Variants in GOLT1A observed in about 807,000 individuals in gnomAD.
GOLT1A encodes the protein vesicle transport protein GOT1A.
GOLT1A carries 10 observed loss-of-function variants against 16.1 expected under a neutral mutation model. The observed-to-expected ratio is 0.62, with a 90% CI of 0.38 to 1.05. The LOEUF (loss-of-function observed/expected upper bound fraction) is 1.05. Among genes scored for constraint, GOLT1A ranks in the 50% least tolerant of loss-of-function variants. The probability of loss-of-function intolerance (pLI) is 0.01; values close to 1 mark genes in which losing one functional copy is unlikely to be tolerated. For synonymous variants in GOLT1A, 60 were observed against 67.9 expected (o/e 0.88, Z 0.57); for missense variants, 137 against 165.7 (o/e 0.83, Z 0.95).
At chr1:204,213,193 T>C (rs987182604) in intron 1 of GOLT1A, among the ~76,000 whole-genome samples, 5 of 152,192 alleles carry the variant, frequency 3.3e-5, no homozygotes, top group African/African-American at 1.2e-4. Flanking sequence ...CTCCCCTCTC[T>C]AGAATGTAAG....
intron 3 of GOLT1A, among the ~76,000 whole-genome samples, chr1:204,200,322 T>TATATATATATATATATATATCTA (rs1376686184): frequency 9.0e-6 from 1 of 111,012 alleles, no homozygotes; most frequent in Non-Finnish European, 1.7e-5. Flanking sequence ...TATATATATG[T>TATATATATATATATATATATCTA]TTTTGTTTTT....
chr1:204,204,427 C>T (rs946713119), intron 1 of GOLT1A, among the ~76,000 whole-genome samples: 3 of 152,170 alleles, frequency 2.0e-5, no homozygotes, highest in African/African-American at 7.2e-5. Context: ...TCTTATTTCA[C>T]TTATCATAAC....
intron 3 of GOLT1A, among the ~76,000 whole-genome samples, chr1:204,200,322 T>TATATA (rs1376686184): frequency 9.0e-6 from 1 of 111,012 alleles, no homozygotes; most frequent in African/African-American, 4.8e-5. Flanking sequence ...TATATATATG[T>TATATA]TTTTGTTTTT....
intron 1 of GOLT1A, among the ~76,000 whole-genome samples, chr1:204,210,618 G>T (rs965671251): frequency 6.6e-6 from 1 of 152,062 alleles, no homozygotes; most frequent in East Asian, 1.9e-4. Flanking sequence ...AAATTTTTTT[G>T]TTGTTGAGAC....
At chr1:204,200,862 CT>C (rs1658945834) in intron 3 of GOLT1A, among the ~76,000 whole-genome samples, 1 of 152,184 alleles carries the variant, frequency 6.6e-6, no homozygotes, top group Non-Finnish European at 1.5e-5. Flanking sequence ...AATCCCACCC[CT>C]ATTCTCTCCA....
At chr1:204,206,209 C>T (rs955680122) in intron 1 of GOLT1A, among the ~76,000 whole-genome samples, 1 of 152,168 alleles carries the variant, frequency 6.6e-6, no homozygotes, top group Non-Finnish European at 1.5e-5. Flanking sequence ...TTTGTTGGGA[C>T]CCAGTGTAAC....
chr1:204,201,941 A>T lies in GOLT1A; in HGVS notation c.118-130T>A, dbSNP rs560643695. ...GTTCAAGACCATCTGAGCGAGGGCC[A>T]TCCAGCAGTGTGGCAGAATCCCAGA... On this transcript the variant is annotated intron_variant, in intron 2 of 4. Coordinates refer to ENST00000308302, the MANE Select transcript of GOLT1A (RefSeq NM_198447.2). 1.6e-4 allele frequency: 123 copies of T among 767,088 alleles called. 1 individual carries two copies. Among genetic ancestry groups the T allele is most frequent in the Non-Finnish European group, 2.1e-4 (103 of 479,238 alleles). 47.5% of individuals were successfully genotyped at this position (767,088 alleles called of 1,614,324 possible). A position where few individuals can be genotyped will look rare whatever the true frequency, so the allele number is the denominator to read the frequency against.
At chr1:204,205,181 C>CT (rs1057283070) in intron 1 of GOLT1A, among the ~76,000 whole-genome samples, 3 of 151,992 alleles carry the variant, frequency 2.0e-5, no homozygotes, top group African/African-American at 4.8e-5. Context: ...TGATTGATGT[C>CT]TTTTTTTTCT....
intron 1 of GOLT1A, among the ~76,000 whole-genome samples, chr1:204,208,685 T>C (rs1008491324): frequency 1.3e-5 from 2 of 151,472 alleles, no homozygotes; most frequent in African/African-American, 4.9e-5. Flanking sequence ...AATGATACAA[T>C]AGACTTTGGG....
At chr1:204,209,215 C>T (rs1659102676) in intron 1 of GOLT1A, among the ~76,000 whole-genome samples, 1 of 152,212 alleles carries the variant, frequency 6.6e-6, no homozygotes, top group Non-Finnish European at 1.5e-5. Context: ...AGATGTGATG[C>T]TGTATTTTTC....
At chr1:204,207,233 C>T (rs994538871) in intron 1 of GOLT1A, among the ~76,000 whole-genome samples, 2 of 152,188 alleles carry the variant, frequency 1.3e-5, no homozygotes, top group Non-Finnish European at 1.5e-5. Context: ...GCACGGTCCC[C>T]GTGATCCAGA....
chr1:204,203,083 G>T, intron 1 of GOLT1A, 96 bp from the exon 2 acceptor site: 2 of 836,450 alleles, frequency 2.4e-6, no homozygotes, highest in Non-Finnish European at 2.0e-6. Flanking sequence ...TGCCCTCTAT[G>T]GGGGTGACTC....
At chr1:204,204,011 G>A (rs959958951) in intron 1 of GOLT1A, among the ~76,000 whole-genome samples, 1 of 152,074 alleles carries the variant, frequency 6.6e-6, no homozygotes, top group Admixed American at 6.6e-5. Flanking sequence ...CCCTCAAGAC[G>A]ATTTGTACAA....
chr1:204,208,472 G>GTATATATATATA (rs1317319058), intron 1 of GOLT1A, among the ~76,000 whole-genome samples: 1 of 28,852 alleles, frequency 3.5e-5, no homozygotes, highest in African/African-American at 9.4e-5. Context: ...GTGTGTGTGT[G>GTATATATATATA]TGTGTATATA....
intron 3 of GOLT1A, among the ~76,000 whole-genome samples, chr1:204,201,410 G>T (rs926178273): frequency 3.9e-5 from 6 of 152,156 alleles, no homozygotes; most frequent in African/African-American, 1.4e-4. Context: ...AGTGCTGGGG[G>T]CACAGTGCTG....
chr1:204,203,912 C>A (rs1370768078), intron 1 of GOLT1A, among the ~76,000 whole-genome samples: 3 of 152,160 alleles, frequency 2.0e-5, no homozygotes, highest in Non-Finnish European at 4.4e-5. Flanking sequence ...AGCCAGCAAG[C>A]GTAGCCTAGA....
chr1:204,213,272 A>G (rs1344850977), intron 1 of GOLT1A, among the ~76,000 whole-genome samples: 1 of 152,208 alleles, frequency 6.6e-6, no homozygotes, highest in Non-Finnish European at 1.5e-5. Context: ...CAGCAGAGAC[A>G]AATCTGTTGA....
intron 1 of GOLT1A, among the ~76,000 whole-genome samples, chr1:204,212,230 A>C (rs908938804): frequency 1.3e-5 from 2 of 152,094 alleles, no homozygotes; most frequent in Non-Finnish European, 1.5e-5. Context: ...CTCACACCCT[A>C]TGTCCAAACC....
At chr1:204,199,146 C>G (rs1658910872) in intron 4 of GOLT1A, 49 bp downstream of exon 4, 1 of 1,496,656 alleles carries the variant, frequency 6.7e-7, no homozygotes, top group South Asian at 1.2e-5. Context: ...GTGTGCTCCC[C>G]CTCACTCCCC....
Sources: gnomAD v4.1 joint callset for allele counts (sites outside exome capture counted in the v4.1 genomes callset) on GRCh38, gnomAD v4.1.1 for gene constraint, MANE v1.5 for transcripts, NCBI Gene and HGNC (gene_info 2026-07-23, HGNC 2026-07-21) for gene names.